Variants in CTXND1 observed in about 807,000 individuals in gnomAD.
CTXND1 encodes the protein cortexin domain-containing 1 protein.
intron 1 of CTXND1, among the ~76,000 whole-genome samples, chr15:80,249,160 C>T (rs1430517086): frequency 2.6e-5 from 4 of 152,078 alleles, no homozygotes; most frequent in African/African-American, 9.7e-5. Context: ...ACTCTGTTGC[C>T]TAGGCTGGTC....
chr15:80,237,261 G>A (rs1040480438), intron 1 of CTXND1, among the ~76,000 whole-genome samples: 22 of 151,332 alleles, frequency 1.5e-4, no homozygotes, highest in African/African-American at 5.1e-4. Context: ...CCTGAACCTG[G>A]GAGGTGGAGC....
intron 1 of CTXND1, among the ~76,000 whole-genome samples, chr15:80,250,061 C>G (rs183527761): frequency 6.6e-6 from 1 of 152,240 alleles, no homozygotes; most frequent in Admixed American, 6.5e-5. Context: ...TTCCTTGATA[C>G]CATTTCATTT....
chr15:80,233,408 T>C (rs1350260134), intron 1 of CTXND1, among the ~76,000 whole-genome samples: 1 of 152,190 alleles, frequency 6.6e-6, no homozygotes, highest in African/African-American at 2.4e-5. Context: ...TTAGCTGTCA[T>C]TCTTACTTTT....
At chr15:80,231,394 A>G (rs1453458641) in intron 1 of CTXND1, among the ~76,000 whole-genome samples, 1 of 151,546 alleles carries the variant, frequency 6.6e-6, no homozygotes, top group Non-Finnish European at 1.5e-5. Context: ...GCATTTAAAA[A>G]AAAAGAAAAG....
rs2142117041 is a variant in CTXND1, at chr15:80,195,825, C to T, written c.*5945G>A. ...TCTCAGCATATCCCACAAACATGGC[C>T]TTTAACCAAGAAACCTTAGGTTTTG... On this transcript the variant is annotated 3_prime_UTR_variant, in exon 3 of 3. Transcript: ENST00000560778. 6.6e-6 allele frequency: 1 copy of T among 152,326 alleles called. No individual in the cohort carries two copies. Among genetic ancestry groups the T allele is most frequent in the East Asian group, 1.9e-4 (1 of 5,190 alleles). The allele number at this position is 152,326 out of a possible 1,614,324, so 9.4% of individuals were successfully genotyped here. A position where few individuals can be genotyped will look rare whatever the true frequency, so the allele number is the denominator to read the frequency against.
intron 1 of CTXND1, among the ~76,000 whole-genome samples, chr15:80,234,474 C>T (rs1893470289): frequency 8.1e-6 from 1 of 123,238 alleles, no homozygotes; most frequent in Non-Finnish European, 1.8e-5. Context: ...TTTGAACATG[C>T]CCTTTTTTTT....
chr15:80,220,784 GA>G (rs1396849617), intron 1 of CTXND1, among the ~76,000 whole-genome samples: 1 of 151,280 alleles, frequency 6.6e-6, no homozygotes, highest in African/African-American at 2.4e-5. Flanking sequence ...TTATAGTATT[GA>G]TTTTTTTTTA....
At chr15:80,204,915 CA>C (rs1893132945) in intron 1 of CTXND1, among the ~76,000 whole-genome samples, 1 of 152,056 alleles carries the variant, frequency 6.6e-6, no homozygotes, top group Non-Finnish European at 1.5e-5. Context: ...TTTCAAAACT[CA>C]AAAAGCACAA....
intron 1 of CTXND1, among the ~76,000 whole-genome samples, chr15:80,244,310 G>A (rs1223996336): frequency 2.0e-5 from 3 of 152,218 alleles, no homozygotes; most frequent in Admixed American, 6.5e-5. Context: ...AGGACAGTGA[G>A]GGATATGCTG....
At position 80,198,639 on chromosome 15, in the gene CTXND1, TAGAC is replaced by T. The variant is rs1039580926; in HGVS notation, c.*3127_*3130del. ...TTTCTCCTTAATATGATCCAGTTCT[TAGAC>T]AGGTCTCCCTCCCCCATGTGCTCCA... On this transcript the variant is annotated 3_prime_UTR_variant, in exon 3 of 3. Coordinates refer to ENST00000560778, the MANE Select transcript of CTXND1 (RefSeq NM_001352888.2). The T allele has an allele frequency of 2.6e-5, 4 of 152,210 alleles. No individual in the cohort carries two copies. Among genetic ancestry groups the T allele is most frequent in the Admixed American group, 6.5e-5 (1 of 15,284 alleles). The allele number at this position is 152,210 out of a possible 1,614,324, so 9.4% of individuals were successfully genotyped here.
intron 1 of CTXND1, among the ~76,000 whole-genome samples, chr15:80,225,713 T>A (rs1188602342): frequency 6.6e-6 from 1 of 152,226 alleles, no homozygotes; most frequent in Non-Finnish European, 1.5e-5. Flanking sequence ...GCTCTCTTTT[T>A]ATGAAGTGGT....
chr15:80,215,771 C>A (rs992567773), intron 1 of CTXND1, among the ~76,000 whole-genome samples: 3 of 152,208 alleles, frequency 2.0e-5, no homozygotes, highest in Admixed American at 6.5e-5. Context: ...AGTGGCCCGC[C>A]CCAAGCCTAA....
At chr15:80,230,246 A>T (rs1225187514) in intron 1 of CTXND1, among the ~76,000 whole-genome samples, 1 of 152,168 alleles carries the variant, frequency 6.6e-6, no homozygotes, top group Non-Finnish European at 1.5e-5. Flanking sequence ...AAGTGTGATG[A>T]TGGGTCTCTA....
chr15:80,249,826 C>A (rs767238594), intron 1 of CTXND1, among the ~76,000 whole-genome samples: 3 of 152,198 alleles, frequency 2.0e-5, no homozygotes, highest in Non-Finnish European at 2.9e-5. Flanking sequence ...ATATTTCCAT[C>A]CCAAACAGTT....
At chr15:80,240,058 C>T (rs1893547315) in intron 1 of CTXND1, among the ~76,000 whole-genome samples, 1 of 152,194 alleles carries the variant, frequency 6.6e-6, no homozygotes, top group South Asian at 2.1e-4. Context: ...CTCCGTCTCC[C>T]AGGTTCAAGT....
intron 1 of CTXND1, among the ~76,000 whole-genome samples, chr15:80,237,265 G>A (rs1344054036): frequency 6.6e-6 from 1 of 151,294 alleles, no homozygotes; most frequent in African/African-American, 2.4e-5. Context: ...AACCTGGGAG[G>A]TGGAGCTTGC....
intron 1 of CTXND1, among the ~76,000 whole-genome samples, chr15:80,247,719 A>G (rs902268878): frequency 5.9e-5 from 9 of 152,186 alleles, no homozygotes; most frequent in Admixed American, 1.3e-4. Context: ...CCTTGTTCAC[A>G]TGGAAATGTG....
chr15:80,247,862 T>A (rs1595911779), intron 1 of CTXND1, among the ~76,000 whole-genome samples: 2 of 152,166 alleles, frequency 1.3e-5, no homozygotes, highest in African/African-American at 4.8e-5. Context: ...ATGCTTTGAC[T>A]ATCACCGCAC....
At chr15:80,231,673 A>G (rs376858569) in intron 1 of CTXND1, among the ~76,000 whole-genome samples, 25 of 152,274 alleles carry the variant, frequency 1.6e-4, no homozygotes, top group East Asian at 7.7e-4. Flanking sequence ...CTTTTTTTCT[A>G]CATGCCTCCT....
Sources: allele counts gnomAD v4.1 joint callset (sites outside exome capture counted in the v4.1 genomes callset), GRCh38; gene constraint gnomAD v4.1.1; transcripts MANE v1.5; gene names NCBI Gene and HGNC (gene_info 2026-07-23, HGNC 2026-07-21).